RAB40C: variants seen among roughly 807,000 people sequenced by gnomAD.
The protein encoded by RAB40C is ras-related protein Rab-40C.
A neutral mutation model predicts 28.1 loss-of-function variants in RAB40C; 8 were observed. The ratio of observed to expected loss-of-function variants is 0.28; its 90% CI spans 0.17 to 0.51. The LOEUF (loss-of-function observed/expected upper bound fraction) is 0.51, where lower values mean the gene tolerates loss of function less well. Ranked by LOEUF, RAB40C falls within the 20% of genes least tolerant of loss-of-function variation. The pLI is 0.97. For synonymous variants in RAB40C, 201 were observed against 171.7 expected (o/e 1.17, Z -1.34); for missense variants, 288 against 405.9 (o/e 0.71, Z 2.50).
At chr16:611,633 A>G (rs1178455068) in intron 1 of RAB40C, among the ~76,000 whole-genome samples, 3 of 146,106 alleles carry the variant, frequency 2.1e-5, no homozygotes, top group Non-Finnish European at 4.6e-5. Context: ...AAGAGCAGGG[A>G]CAGCCGCCCT....
rs779670772 is a variant in RAB40C at position 626,099 on chromosome 16, G to A, written c.543G>A (p.Glu181=). The change falls in exon 5 of 6, where the codon GAG becomes GAA. Residue 181 remains glutamate, a synonymous_variant. Coordinates refer to ENST00000248139, the MANE Select transcript of RAB40C (RefSeq NM_021168.5). ...SRIVLMRHGM[E]KIWRPNRVFS... Reference sequence around the variant, plus strand: ...TCGTGCTCATGCGGCACGGCATGGAGAAGATCTGGAGGCCCAACCGAGGTG... The same window carrying A: ...TCGTGCTCATGCGGCACGGCATGGAAAAGATCTGGAGGCCCAACCGAGGTG... The A allele has an allele frequency of 2.0e-5, 32 of 1,612,982 alleles. No individual in the cohort carries two copies. The Middle Eastern group carries it at 4.9e-4, about 25-fold the overall frequency.
chr16:623,373 G>T (rs2036761407), intron 3 of RAB40C, among the ~76,000 whole-genome samples: 1 of 152,200 alleles, frequency 6.6e-6, no homozygotes, highest in Admixed American at 6.5e-5. Context: ...TGCTGGGCCG[G>T]GCGCGGTGGC....
intron 1 of RAB40C, among the ~76,000 whole-genome samples, chr16:616,034 G>A (rs1397887655): frequency 6.6e-6 from 1 of 152,100 alleles, no homozygotes; most frequent in Non-Finnish European, 1.5e-5. Flanking sequence ...GAGGCGGGTG[G>A]ATCATGAGGT....
chr16:594,361 G>T (rs2036066918), intron 1 of RAB40C, among the ~76,000 whole-genome samples: 1 of 152,178 alleles, frequency 6.6e-6, no homozygotes, highest in African/African-American at 2.4e-5. Flanking sequence ...GGCGGTTGTG[G>T]ACATGGCGAG....
Position 627,594 on chromosome 16 carries a change from G to C in RAB40C, c.818G>C (p.Cys273Ser), listed in dbSNP as rs1245393727. The C allele has an allele frequency of 6.3e-7, 1 of 1,597,880 alleles. No homozygotes were observed. Among genetic ancestry groups the C allele is most frequent in the African/African-American group, 1.3e-5 (1 of 74,556 alleles). Residue 273 changes from cysteine to serine, a missense_variant, in exon 6 of 6, where the codon TGC becomes TCC. This residue lies in a region of RAB40C where 57 missense variants were observed against 55.3 expected (regional missense o/e 1.03). Transcript: ENST00000248139. The part of the protein sequence containing the change: ...IRPPQSPPQN[C>S]SRSNCKIS The stretch of plus-strand genomic sequence containing the variant: ...CCACCCCAGAGCCCCCCCCAGAACT[G>C]CTCGCGGAGTAACTGCAAGATCTCC...
intron 1 of RAB40C, among the ~76,000 whole-genome samples, chr16:615,370 A>G (rs1478379461): frequency 6.6e-6 from 1 of 152,230 alleles, no homozygotes. Context: ...AGATGTGCAC[A>G]GACACACACA....
At chr16:598,740 C>CA (rs2036186857) in intron 1 of RAB40C, among the ~76,000 whole-genome samples, 1 of 151,452 alleles carries the variant, frequency 6.6e-6, no homozygotes, top group African/African-American at 2.4e-5. Flanking sequence ...GACCCTGTCT[C>CA]AAAAAATAAA....
Position 618,180 on chromosome 16 carries a change from C to A in RAB40C, c.204-20C>A, listed in dbSNP as rs762832244. 9.9e-6 allele frequency: 16 copies of A among 1,610,450 alleles called. No homozygotes were observed. The highest frequency in any genetic ancestry group is 1.3e-5 in the Non-Finnish European group (15 of 1,178,808). On this transcript the variant is annotated intron_variant, in intron 2 of 5. Transcript: ENST00000248139. ...CACAGGGACCACAGTCCCGGCCCCT[C>A]CCCTCCCCGTATGTTTCAGGGACAC...
In RAB40C at chr16:609,114, CAAAAAA is replaced by C. The variant is rs1250829982; in HGVS notation, c.143-8093_143-8088del. ...TGGGTGACAGAACGAGACACCTTCT[CAAAAAA>C]TAAAAATAAAAACGTGGACTGATAG... is the stretch of plus-strand genomic sequence containing the variant. On this transcript the variant is annotated intron_variant, in intron 1 of 5. Coordinates refer to ENST00000248139, the MANE Select transcript of RAB40C (RefSeq NM_021168.5). Among the ~76,000 whole-genome samples the C allele has an allele frequency of 2.6e-5, 4 of 152,156 alleles. No individual in the cohort carries two copies. The East Asian group carries it at 7.7e-4, about 29-fold the overall frequency.
intron 1 of RAB40C, among the ~76,000 whole-genome samples, chr16:607,747 C>T (rs371922193): frequency 4.6e-5 from 7 of 152,150 alleles, no homozygotes; most frequent in East Asian, 1.9e-4. Flanking sequence ...GCCGAGATCG[C>T]GCCACTGCAC....
chr16:595,011 G>A (rs1318017675), intron 1 of RAB40C, among the ~76,000 whole-genome samples: 2 of 151,990 alleles, frequency 1.3e-5, no homozygotes, highest in Non-Finnish European at 2.9e-5. Context: ...GTAGAGGCAG[G>A]TTTCACCATG....
At chr16:608,196 C>T (rs2036404512) in intron 1 of RAB40C, among the ~76,000 whole-genome samples, 1 of 152,164 alleles carries the variant, frequency 6.6e-6, no homozygotes, top group Non-Finnish European at 1.5e-5. Flanking sequence ...CAGGGCAGCT[C>T]CAGAGAGAAT....
At chr16:616,989 T>C (rs2036599347) in intron 1 of RAB40C, 3 of 572,174 alleles carry the variant, frequency 5.2e-6, no homozygotes, top group South Asian at 4.0e-5. Context: ...TGCCCTGCCC[T>C]GCCCCGCCCT....
At chr16:592,724 G>A (rs1006240356) in intron 1 of RAB40C, among the ~76,000 whole-genome samples, 1 of 152,266 alleles carries the variant, frequency 6.6e-6, no homozygotes, top group African/African-American at 2.4e-5. Flanking sequence ...GGAAGGATTG[G>A]GTTTCATCAA....
At chr16:598,189 C>T (rs1030193215) in intron 1 of RAB40C, among the ~76,000 whole-genome samples, 9 of 151,908 alleles carry the variant, frequency 5.9e-5, no homozygotes, top group African/African-American at 1.7e-4. Context: ...ACCATCCTGG[C>T]TAACATGGTG....
chr16:624,379 C>T, intron 3 of RAB40C: 1 of 985,470 alleles, frequency 1.0e-6, no homozygotes, highest in South Asian at 4.7e-5. Context: ...TTATCGCCCA[C>T]CAGACTGACT....
intron 2 of RAB40C, among the ~76,000 whole-genome samples, 188 bp downstream of exon 2, chr16:617,456 C>A (rs368847759): frequency 6.6e-6 from 1 of 152,212 alleles, no homozygotes; most frequent in Admixed American, 6.5e-5. Context: ...GACACTGTGT[C>A]CCTAGAGATC....
intron 4 of RAB40C, 123 bp downstream of exon 4, chr16:625,632 T>C: frequency 9.4e-7 from 1 of 1,063,840 alleles, no homozygotes; most frequent in Non-Finnish European, 1.4e-6. Context: ...CACCCTGCAC[T>C]GTCCCACGGC....
At chr16:617,451 T>C (rs937550827) in intron 2 of RAB40C, among the ~76,000 whole-genome samples, 183 bp downstream of exon 2, 15 of 152,202 alleles carry the variant, frequency 9.9e-5, no homozygotes, top group South Asian at 2.1e-4. Flanking sequence ...TCTGGGACAC[T>C]GTGTCCCTAG....
Sources: gnomAD v4.1 joint callset for allele counts (sites outside exome capture counted in the v4.1 genomes callset) on GRCh38, gnomAD v4.1.1 for gene constraint, gnomAD v4.1.1 regional missense constraint, MANE v1.5 for transcripts, NCBI Gene and HGNC (gene_info 2026-07-23, HGNC 2026-07-21) for gene names.